NRG1: variants seen among roughly 807,000 people sequenced by gnomAD.
NRG1 encodes the protein neuregulin 1, also known as pro-neuregulin-1, membrane-bound isoform.
Under a neutral mutation model 63.8 loss-of-function variants are expected in NRG1, and 18 were observed. The ratio of observed to expected loss-of-function variants is 0.28; its 90% CI spans 0.19 to 0.42. The LOEUF (loss-of-function observed/expected upper bound fraction) is 0.42, where lower values mean the gene tolerates loss of function less well. Among genes scored for constraint, NRG1 ranks in the 10% least tolerant of loss-of-function variants. The probability of loss-of-function intolerance (pLI) is 1.00; values close to 1 mark genes in which losing one functional copy is unlikely to be tolerated. For missense variants in NRG1, 762 were observed against 814.7 expected (o/e 0.94, Z 0.79); for synonymous variants, 302 against 301.3 (o/e 1.00, Z -0.02).
At chr8:32,475,463 C>CAAAAAAAAAAA (rs55906650) in intron 1 of NRG1, among the ~76,000 whole-genome samples, 6 of 81,684 alleles carry the variant, frequency 7.3e-5, no homozygotes, top group Admixed American at 1.4e-4. Flanking sequence ...GACTCTGTCT[C>CAAAAAAAAAAA]AAAAAAAAAA....
chr8:32,595,499 C>G (rs1294931691), intron 1 of NRG1, among the ~76,000 whole-genome samples: 1 of 152,000 alleles, frequency 6.6e-6, no homozygotes, highest in African/African-American at 2.4e-5. Context: ...TACATACGCT[C>G]CTTTAACACA....
At chr8:32,198,883 A>G (rs1034729262) in intron 1 of NRG1, among the ~76,000 whole-genome samples, 3 of 150,900 alleles carry the variant, frequency 2.0e-5, no homozygotes, top group African/African-American at 7.3e-5. Context: ...CATATATCTT[A>G]ATATATATAT....
At chr8:32,468,725 T>TG (rs1391317687) in intron 1 of NRG1, among the ~76,000 whole-genome samples, 5 of 27,110 alleles carry the variant, frequency 1.8e-4, no homozygotes, top group African/African-American at 7.1e-4. Context: ...CATTACAGTT[T>TG]TTTTTTTTTT....
chr8:31,807,413 G>T (rs1293862361), intron 1 of NRG1, among the ~76,000 whole-genome samples: 1 of 152,120 alleles, frequency 6.6e-6, no homozygotes, highest in African/African-American at 2.4e-5. Context: ...AGGGTCTGTG[G>T]CTATCTTGTT....
At chr8:32,267,946 C>A (rs1054319452) in intron 1 of NRG1, among the ~76,000 whole-genome samples, 1 of 152,122 alleles carries the variant, frequency 6.6e-6, no homozygotes, top group Non-Finnish European at 1.5e-5. Flanking sequence ...TTGTATGCTT[C>A]CCCCTCTTTG....
chr8:32,194,091 C>G (rs1842749842), intron 1 of NRG1, among the ~76,000 whole-genome samples: 1 of 152,200 alleles, frequency 6.6e-6, no homozygotes, highest in Non-Finnish European at 1.5e-5. Flanking sequence ...ATGTGCTCAT[C>G]TAGCATACAG....
chr8:31,830,321 C>T (rs1824987849), intron 1 of NRG1, among the ~76,000 whole-genome samples: 1 of 76,544 alleles, frequency 1.3e-5, no homozygotes. Flanking sequence ...TTCCTTCCTT[C>T]CTTCCTTCCT....
At chr8:32,574,850 A>G (rs1445674737) in intron 1 of NRG1, among the ~76,000 whole-genome samples, 2 of 152,216 alleles carry the variant, frequency 1.3e-5, no homozygotes, top group Non-Finnish European at 2.9e-5. Flanking sequence ...TTTGTTTCAT[A>G]GAGTTTACAC....
chr8:32,522,283 G>T (rs892106485), intron 1 of NRG1, among the ~76,000 whole-genome samples: 3 of 152,158 alleles, frequency 2.0e-5, no homozygotes, highest in African/African-American at 7.2e-5. Context: ...GGACCTCATT[G>T]TGGGCTAAGC....
intron 1 of NRG1, among the ~76,000 whole-genome samples, chr8:31,956,042 A>AG (rs1341875706): frequency 6.7e-6 from 1 of 149,524 alleles, no homozygotes; most frequent in Admixed American, 6.7e-5. Context: ...ACCTGTCTCA[A>AG]AAAAAAAAAA....
chr8:32,602,941 T>A (rs978458074), intron 2 of NRG1, among the ~76,000 whole-genome samples: 3 of 152,224 alleles, frequency 2.0e-5, no homozygotes, highest in African/African-American at 7.2e-5. Flanking sequence ...CAGCCTGCAT[T>A]GGGTGATATT....
At chr8:31,824,152 T>C (rs1199869351) in intron 1 of NRG1, among the ~76,000 whole-genome samples, 1 of 151,308 alleles carries the variant, frequency 6.6e-6, no homozygotes, top group African/African-American at 2.4e-5. Context: ...TATCTCCTAA[T>C]GCTATCCTTC....
At chr8:32,728,412 G>C in intron 6 of NRG1, 1 of 985,098 alleles carries the variant, frequency 1.0e-6, no homozygotes, top group Non-Finnish European at 1.2e-6. Context: ...TATAACTTTT[G>C]GTATCTACTT....
chr8:32,709,703 G>C (rs763244250), intron 5 of NRG1, among the ~76,000 whole-genome samples: 3 of 152,072 alleles, frequency 2.0e-5, no homozygotes, highest in Non-Finnish European at 4.4e-5. Context: ...TAATAGGTGT[G>C]AGCCAATGAG....
intron 1 of NRG1, among the ~76,000 whole-genome samples, chr8:31,848,707 G>A (rs1826922819): frequency 3.3e-5 from 5 of 152,144 alleles, no homozygotes; most frequent in Admixed American, 3.3e-4. Flanking sequence ...AACTGCACAT[G>A]CAAGGGATCT....
chr8:31,884,137 G>T (rs1830551773), intron 1 of NRG1, among the ~76,000 whole-genome samples: 1 of 151,962 alleles, frequency 6.6e-6, no homozygotes, highest in African/African-American at 2.4e-5. Context: ...GTGTTATCTT[G>T]GTTTTTGTTT....
At chr8:32,524,926 C>T (rs572317873) in intron 1 of NRG1, among the ~76,000 whole-genome samples, 11 of 152,258 alleles carry the variant, frequency 7.2e-5, no homozygotes, top group African/African-American at 2.6e-4. Context: ...AATTTATCAA[C>T]GAAATCACTG....
At chr8:32,083,807 A>C (rs903146421) in intron 1 of NRG1, among the ~76,000 whole-genome samples, 14 of 152,152 alleles carry the variant, frequency 9.2e-5, no homozygotes, top group Non-Finnish European at 2.9e-5. Context: ...AGAAAGTGAC[A>C]TATATTGTAG....
intron 1 of NRG1, among the ~76,000 whole-genome samples, chr8:31,952,437 T>G (rs1433438198): frequency 2.6e-5 from 4 of 152,196 alleles, no homozygotes; most frequent in Admixed American, 2.6e-4. Flanking sequence ...GAATGAGTAC[T>G]AGCAATTTCT....
Sources: allele counts gnomAD v4.1 joint callset (sites outside exome capture counted in the v4.1 genomes callset), GRCh38; gene constraint gnomAD v4.1.1; transcripts MANE v1.5; gene names NCBI Gene and HGNC (gene_info 2026-07-23, HGNC 2026-07-21).